The following MYOF variants were observed in gnomAD, a reference collection of about 807,000 sequenced individuals.
MYOF encodes the protein myoferlin.
In MYOF, 244 loss-of-function variants were observed where a neutral mutation model predicts 284.2. The observed-to-expected ratio is 0.86, with a 90% CI of 0.77 to 0.95. The LOEUF is 0.95. Ranked by LOEUF, MYOF falls within the 40% of genes least tolerant of loss-of-function variation. The pLI is 0.00. For missense variants in MYOF, 2,496 were observed against 2,560.6 expected, an observed-to-expected ratio of 0.97 and a Z score of 0.54; for synonymous variants, 904 against 919.7, an observed-to-expected ratio of 0.98 and a Z score of 0.31.
intron 3 of MYOF, among the ~76,000 whole-genome samples, chr10:93,432,484 G>A (rs1474582493): frequency 3.3e-5 from 5 of 152,152 alleles, no homozygotes; most frequent in African/African-American, 1.2e-4. Context: ...AATTCAGTAA[G>A]AGAGGAAGGC....
At position 93,392,912 on chromosome 10, in the gene MYOF, T is replaced by C. The variant is rs1182366922; in HGVS notation, c.1456+5A>G. 18 of 1,610,106 alleles carry C rather than the reference T, an allele frequency of 1.1e-5. No individual in the cohort carries two copies. The highest frequency in any genetic ancestry group is 1.4e-5 in the Non-Finnish European group (17 of 1,176,764). Reference sequence around the variant, plus strand: ...TAACAGAGAGCAAAATTACGAAGCATAAACCTGTATATGATGCAGCCCCAG... The same window carrying C: ...TAACAGAGAGCAAAATTACGAAGCACAAACCTGTATATGATGCAGCCCCAG... On this transcript the variant is annotated splice_donor_5th_base_variant and intron_variant, in intron 17 of 53. Coordinates refer to ENST00000359263, the MANE Select transcript of MYOF (RefSeq NM_013451.4).
rs145454664 is a variant in MYOF, at chr10:93,420,940, G to A, written c.433+5131C>T. 6.1e-3 allele frequency among the ~76,000 whole-genome samples: 929 copies of A among 152,276 alleles called. 3 individuals are homozygous for A. The highest frequency in any genetic ancestry group is 0.011 in the Non-Finnish European group (719 of 68,020). ...TTTAAAAGTCAGTTGAAGGGAGGCC[G>A]GGTGCAGTGGCTCATGACTGTAATC... is the stretch of plus-strand genomic sequence containing the variant. On this transcript the variant is annotated intron_variant, in intron 5 of 53. Coordinates refer to ENST00000359263, the MANE Select transcript of MYOF (RefSeq NM_013451.4).
At chr10:93,388,347 T>C (rs1846502466) in intron 18 of MYOF, among the ~76,000 whole-genome samples, 1 of 152,206 alleles carries the variant, frequency 6.6e-6, no homozygotes, top group East Asian at 1.9e-4. Flanking sequence ...GCTGCCATGC[T>C]GGCAACCAGG....
At chr10:93,465,767 C>T (rs764135519) in intron 1 of MYOF, among the ~76,000 whole-genome samples, 2 of 151,988 alleles carry the variant, frequency 1.3e-5, no homozygotes, top group Admixed American at 6.6e-5. Context: ...CGCCCACCTC[C>T]GCCTCCCAAA....
Position 93,377,319 on chromosome 10 carries a change from G to A in MYOF, c.2108+4C>T, listed in dbSNP as rs1845879433. 6.2e-7 allele frequency: 1 copy of A among 1,609,390 alleles called. No individual in the cohort carries two copies. Among genetic ancestry groups the A allele is most frequent in the Non-Finnish European group, 8.5e-7 (1 of 1,175,768 alleles). Reference sequence around the variant, plus strand: ...ATTCTGAGATAGGCGTAAGATCACTGTACCTCGTGTCTTCTATAACTTCAT... The same window carrying A: ...ATTCTGAGATAGGCGTAAGATCACTATACCTCGTGTCTTCTATAACTTCAT... On this transcript the variant is annotated splice_donor_region_variant and intron_variant, in intron 22 of 53. Coordinates refer to ENST00000359263, the MANE Select transcript of MYOF (RefSeq NM_013451.4).
At chr10:93,406,148 G>A (rs142487694) in intron 7 of MYOF, among the ~76,000 whole-genome samples, 2,483 of 150,352 alleles carry the variant, frequency 0.017, 74 homozygotes, top group African/African-American at 0.055. Context: ...TAGTAGAGAC[G>A]GGGTTTCACC....
At chr10:93,308,269 G>C (rs1171040544) in intron 53 of MYOF, among the ~76,000 whole-genome samples, 1 of 149,312 alleles carries the variant, frequency 6.7e-6, no homozygotes, top group Non-Finnish European at 1.5e-5. Context: ...AAAAAAAATA[G>C]AAGTTTTTTA....
chr10:93,370,836 T>C (rs1384603909), intron 24 of MYOF, among the ~76,000 whole-genome samples: 2 of 151,192 alleles, frequency 1.3e-5, no homozygotes, highest in African/African-American at 4.9e-5. Context: ...CAGGTAAACA[T>C]GGTTATTCCA....
intron 43 of MYOF, among the ~76,000 whole-genome samples, chr10:93,331,407 C>T (rs1238758369): frequency 1.3e-5 from 2 of 152,188 alleles, no homozygotes. Flanking sequence ...CTACAGCACC[C>T]CTTCCTTCCA....
intron 3 of MYOF, among the ~76,000 whole-genome samples, chr10:93,435,013 G>GT (rs1178663491): frequency 6.6e-6 from 1 of 152,144 alleles, no homozygotes; most frequent in African/African-American, 2.4e-5. Flanking sequence ...AGCAAATTGA[G>GT]TTTTCAAGAA....
rs1842122038 is a variant in MYOF at position 93,306,843 on chromosome 10, G to A, written c.*120C>T. 1 of 1,047,894 alleles carries A rather than the reference G, an allele frequency of 9.5e-7. No homozygotes were observed. The highest frequency in any genetic ancestry group is 1.4e-5 in the South Asian group (1 of 70,022). 64.9% of individuals were successfully genotyped at this position (1,047,894 alleles called of 1,614,324 possible). A position where few individuals can be genotyped will look rare whatever the true frequency, so the allele number is the denominator to read the frequency against. The stretch of plus-strand genomic sequence containing the variant: ...CCTCTGGGAATCAATGGGGCTCGGT[G>A]ACATGGCGTAACCTGCTACTGGGGT... On this transcript the variant is annotated 3_prime_UTR_variant, in exon 54 of 54. Coordinates refer to ENST00000359263, the MANE Select transcript of MYOF (RefSeq NM_013451.4).
chr10:93,312,938 G>C, intron 51 of MYOF, 82 bp downstream of exon 51: 1 of 1,359,786 alleles, frequency 7.4e-7, no homozygotes, highest in Non-Finnish European at 1.0e-6. Context: ...ATTTTATCTG[G>C]AGTAAGTCTA....
intron 5 of MYOF, among the ~76,000 whole-genome samples, chr10:93,412,624 G>A (rs1257570998): frequency 3.9e-5 from 6 of 152,068 alleles, no homozygotes. Context: ...CAACCCATAG[G>A]CTTCCCCTAC....
intron 50 of MYOF, among the ~76,000 whole-genome samples, chr10:93,316,334 G>C (rs968660538): frequency 6.6e-6 from 1 of 151,920 alleles, no homozygotes; most frequent in Non-Finnish European, 1.5e-5. Flanking sequence ...AGGAGAAATG[G>C]CGGGGGGGTT....
At position 93,395,616 on chromosome 10, in the gene MYOF, T is replaced by C. The variant is rs564367953; in HGVS notation, c.1417+526A>G. Among the ~76,000 whole-genome samples the C allele has an allele frequency of 2.1e-3, 311 of 149,520 alleles. 1 individual carries two copies. Among genetic ancestry groups the C allele is most frequent in the African/African-American group, 7.6e-3 (299 of 39,578 alleles). On this transcript the variant is annotated intron_variant, in intron 16 of 53. Coordinates refer to ENST00000359263, the MANE Select transcript of MYOF (RefSeq NM_013451.4). ...GTTTGGAAAACAACAGAAAGAACAA[T>C]GTGTTGGCTATCAATGCTTGTCAGA...
intron 16 of MYOF, among the ~76,000 whole-genome samples, chr10:93,393,666 T>C (rs1251433641): frequency 6.6e-6 from 1 of 152,234 alleles, no homozygotes. Flanking sequence ...TCCCCCCATA[T>C]AGTTCCAGCA....
At chr10:93,435,002 C>G (rs533209610) in intron 3 of MYOF, among the ~76,000 whole-genome samples, 1 of 152,104 alleles carries the variant, frequency 6.6e-6, no homozygotes, top group Non-Finnish European at 1.5e-5. Context: ...GTCATGAAAT[C>G]AGCAAATTGA....
chr10:93,417,304 G>A (rs565336426), intron 5 of MYOF, among the ~76,000 whole-genome samples: 2 of 152,072 alleles, frequency 1.3e-5, no homozygotes, highest in Non-Finnish European at 2.9e-5. Context: ...ATTTGGAAAT[G>A]GTTCTCCATC....
chr10:93,396,912 G>A lies in MYOF; in HGVS notation c.1334+335C>T, dbSNP rs918202608. Among the ~76,000 whole-genome samples, 11 of 152,150 alleles carry A rather than the reference G, an allele frequency of 7.2e-5. No individual in the cohort carries two copies. The South Asian group carries it at 8.3e-4, about 11-fold the overall frequency. On this transcript the variant is annotated intron_variant, in intron 15 of 53. Coordinates refer to ENST00000359263, the MANE Select transcript of MYOF (RefSeq NM_013451.4). ...AATAACAATGAATTGCTCTCAGAAT[G>A]TTTTGGTGATTCTTCCCAAGAAATG...
Sources: allele counts gnomAD v4.1 joint callset (sites outside exome capture counted in the v4.1 genomes callset), GRCh38; gene constraint gnomAD v4.1.1; transcripts MANE v1.5; gene names NCBI Gene and HGNC (gene_info 2026-07-23, HGNC 2026-07-21).